The following LGR4 variants were observed in gnomAD, a reference collection of about 807,000 sequenced individuals.
LGR4 encodes leucine rich repeat containing G protein-coupled receptor 4.
In LGR4, 44 loss-of-function variants were observed where a neutral mutation model predicts 84.8. The observed-to-expected ratio is 0.52, with a 90% CI of 0.41 to 0.67. LGR4 has a LOEUF of 0.67. Among genes scored for constraint, LGR4 ranks in the 30% least tolerant of loss-of-function variants. The pLI, the probability that LGR4 is intolerant of heterozygous loss-of-function variation, is 0.00. For synonymous variants in LGR4, 429 were observed against 434.3 expected (o/e 0.99, Z 0.15); for missense variants, 1,032 against 1,131.4 (o/e 0.91, Z 1.26).
At chr11:27,393,630 ACT>A (rs1863326534) in intron 2 of LGR4, among the ~76,000 whole-genome samples, 1 of 151,780 alleles carries the variant, frequency 6.6e-6, no homozygotes, top group Non-Finnish European at 1.5e-5. Context: ...CTCCCTAAAA[ACT>A]CTGCATCCCT....
chr11:27,461,632 A>G (rs936713834), intron 1 of LGR4, among the ~76,000 whole-genome samples: 1 of 145,010 alleles, frequency 6.9e-6, no homozygotes. Context: ...TTTTCTGCAC[A>G]TTTTTTTTTT....
intron 17 of LGR4, among the ~76,000 whole-genome samples, chr11:27,370,988 C>T (rs901147350): frequency 6.6e-6 from 1 of 152,186 alleles, no homozygotes; most frequent in African/African-American, 2.4e-5. Context: ...GCTCACAATT[C>T]AGCAGCAATC....
intron 13 of LGR4, among the ~76,000 whole-genome samples, chr11:27,374,473 C>T (rs1286198051): frequency 6.6e-6 from 1 of 152,112 alleles, no homozygotes; most frequent in Non-Finnish European, 1.5e-5. Context: ...GACAAACAAT[C>T]AATATGCAAA....
intron 2 of LGR4, among the ~76,000 whole-genome samples, chr11:27,411,475 T>C (rs1863710748): frequency 6.6e-6 from 1 of 152,124 alleles, no homozygotes; most frequent in Admixed American, 6.6e-5. Context: ...TTCTGCTTTT[T>C]TTCTTATGCA....
At chr11:27,375,235 C>A (rs1197145051) in intron 13 of LGR4, among the ~76,000 whole-genome samples, 1 of 144,712 alleles carries the variant, frequency 6.9e-6, no homozygotes, top group Admixed American at 7.2e-5. Flanking sequence ...TTGGAGGATG[C>A]AGTGAGCTGT....
intron 15 of LGR4, chr11:27,372,919 G>T (rs1438550538): frequency 6.5e-6 from 1 of 153,230 alleles, no homozygotes; most frequent in Non-Finnish European, 1.5e-5. Context: ...TAGTGTAATG[G>T]CGCAATCACA....
chr11:27,387,154 T>C (rs1863202169), intron 4 of LGR4, among the ~76,000 whole-genome samples: 1 of 152,190 alleles, frequency 6.6e-6, no homozygotes, highest in East Asian at 1.9e-4. Flanking sequence ...TGTAGCTAAA[T>C]TATACTTGTA....
Position 27,384,350 on chromosome 11 carries a change from A to G in LGR4, c.675T>C (p.Asp225=). Residue 225 remains aspartate (D), a synonymous_variant, in exon 6 of 18, where the codon GAT becomes GAC. Coordinates refer to ENST00000379214, the MANE Select transcript of LGR4 (RefSeq NM_018490.5). ...SLSQHCFDGL[D]NLETLDLNYN... ...AATATACTTACAAGGTCTCCAGGTT[A>G]TCTAGTCCATCAAAACAGTGTTGAC... 1 of 1,605,184 alleles carries G rather than the reference A, an allele frequency of 6.2e-7. No individual in the cohort carries two copies. Among genetic ancestry groups the G allele is most frequent in the Non-Finnish European group, 8.5e-7 (1 of 1,172,504 alleles).
chr11:27,389,818 T>C (rs1321297978), intron 4 of LGR4, among the ~76,000 whole-genome samples: 2 of 152,108 alleles, frequency 1.3e-5, no homozygotes, highest in African/African-American at 4.8e-5. Flanking sequence ...CCGAATAACA[T>C]TTCTATAAGG....
chr11:27,465,270 A>G (rs956001693), intron 1 of LGR4, among the ~76,000 whole-genome samples: 1 of 152,218 alleles, frequency 6.6e-6, no homozygotes, highest in East Asian at 1.9e-4. Context: ...AGAAGGATAT[A>G]TATTTTAAAT....
Position 27,368,371 on chromosome 11 carries a change from A to G in LGR4, c.2352T>C (p.Ser784=). 6.2e-7 allele frequency: 1 copy of G among 1,614,220 alleles called. No individual in the cohort carries two copies. The highest frequency in any genetic ancestry group is 8.5e-7 in the Non-Finnish European group (1 of 1,180,028). Residue 784 remains serine, a synonymous_variant, in exon 18 of 18, where the codon TCT becomes TCC. Transcript: ENST00000379214. ...AISISPEIMK[S]VTLIFFPLPA... ...GCAATGGAAAAAATATCAGAGTAAC[A>G]GACTTCATTATTTCGGGGCTGATAG...
At chr11:27,449,650 A>C (rs1453394859) in intron 1 of LGR4, among the ~76,000 whole-genome samples, 1 of 152,096 alleles carries the variant, frequency 6.6e-6, no homozygotes, top group African/African-American at 2.4e-5. Flanking sequence ...GAAGAAGACC[A>C]ATAAATAAAA....
chr11:27,393,608 T>G (rs1244826591), intron 2 of LGR4, among the ~76,000 whole-genome samples: 1 of 152,094 alleles, frequency 6.6e-6, no homozygotes, highest in Non-Finnish European at 1.5e-5. Context: ...TTTCCACTAT[T>G]CTTCCTATTC....
At chr11:27,373,320 A>G (rs1487680291) in intron 15 of LGR4, 2 of 357,838 alleles carry the variant, frequency 5.6e-6, no homozygotes, top group African/African-American at 2.1e-5. Flanking sequence ...ATTCTGGTGA[A>G]TAGCTGTATT....
intron 1 of LGR4, among the ~76,000 whole-genome samples, chr11:27,421,082 CTG>C (rs1863916201): frequency 6.6e-6 from 1 of 152,148 alleles, no homozygotes. Flanking sequence ...ATCAAATTTG[CTG>C]TAGAAACGTC....
intron 2 of LGR4, among the ~76,000 whole-genome samples, chr11:27,396,786 T>C (rs977291830): frequency 9.2e-5 from 14 of 152,216 alleles, no homozygotes; most frequent in African/African-American, 3.4e-4. Context: ...AATATTCTTT[T>C]ACTATTTTCC....
intron 10 of LGR4, among the ~76,000 whole-genome samples, chr11:27,379,891 T>C (rs960205812): frequency 3.3e-5 from 3 of 91,792 alleles, no homozygotes; most frequent in Non-Finnish European, 5.5e-5. Flanking sequence ...CCAGTTTTAC[T>C]AATCCTGCCT....
chr11:27,387,021 CAT>C (rs1171630002), intron 4 of LGR4, among the ~76,000 whole-genome samples: 7 of 152,154 alleles, frequency 4.6e-5, no homozygotes, highest in African/African-American at 1.2e-4. Context: ...TGTGTTCAAA[CAT>C]GTGTGCACAC....
rs1864789450 is a variant in LGR4, at chr11:27,467,074, C to T, written c.185+5044G>A. Among the ~76,000 whole-genome samples the T allele has an allele frequency of 4.6e-5, 7 of 151,844 alleles. No homozygotes were observed. The South Asian group carries it at 1.5e-3, about 32-fold the overall frequency. On this transcript the variant is annotated intron_variant, in intron 1 of 17. Coordinates refer to ENST00000379214, the MANE Select transcript of LGR4 (RefSeq NM_018490.5). ...GTGTTGGGATTACAGGTGTGAGCCA[C>T]CACACCTGGCCTCAAGTCTTAAGAA... is the stretch of plus-strand genomic sequence containing the variant.
Sources: allele counts gnomAD v4.1 joint callset (sites outside exome capture counted in the v4.1 genomes callset), GRCh38; gene constraint gnomAD v4.1.1; transcripts MANE v1.5; gene names NCBI Gene and HGNC (gene_info 2026-07-23, HGNC 2026-07-21).